The following LRMDA variants were observed in gnomAD, a reference collection of about 807,000 sequenced individuals.
The protein encoded by LRMDA is leucine rich melanocyte differentiation associated, also known as leucine-rich melanocyte differentiation-associated protein.
LRMDA carries 18 observed loss-of-function variants against 29.8 expected under a neutral mutation model. The observed-to-expected ratio is 0.60, with a 90% CI of 0.42 to 0.90. LRMDA has a LOEUF of 0.90. Among genes scored for constraint, LRMDA ranks in the 40% least tolerant of loss-of-function variants. The probability of loss-of-function intolerance (pLI) is 0.00; values close to 1 mark genes in which losing one functional copy is unlikely to be tolerated. For synonymous variants in LRMDA, 125 were observed against 109.4 expected (o/e 1.14, Z -0.89); for missense variants, 273 against 273.9 (o/e 1.00, Z 0.02).
chr10:75,907,697 C>T (rs1280810421), intron 2 of LRMDA, among the ~76,000 whole-genome samples: 2 of 152,134 alleles, frequency 1.3e-5, no homozygotes, highest in Admixed American at 1.3e-4. Flanking sequence ...GTTTAAAATA[C>T]GTAGGAAGGG....
At chr10:75,725,403 G>C (rs1381369397) in intron 2 of LRMDA, among the ~76,000 whole-genome samples, 1 of 152,216 alleles carries the variant, frequency 6.6e-6, no homozygotes, top group African/African-American at 2.4e-5. Flanking sequence ...TCTAGTCAAA[G>C]GGTCCTTTAA....
rs143538989 is a variant in LRMDA, at chr10:75,956,428, G to C, written c.132-79580G>C. 2.6e-5 allele frequency among the ~76,000 whole-genome samples: 4 copies of C among 152,212 alleles called. No homozygotes were observed. The East Asian group carries it at 7.7e-4, about 29-fold the overall frequency. On this transcript the variant is annotated intron_variant, in intron 2 of 6. Transcript: ENST00000611255. ...TGTCCTCATTCTGGGCATTCAAATG[G>C]GGCTGGTGTCAGCTACAAAACACAT...
chr10:75,650,663 A>T (rs778560386), intron 2 of LRMDA, among the ~76,000 whole-genome samples: 3 of 152,156 alleles, frequency 2.0e-5, no homozygotes, highest in Non-Finnish European at 4.4e-5. Flanking sequence ...GCGATTTTAA[A>T]GTCAACAGAG....
At chr10:75,702,621 C>A (rs961240163) in intron 2 of LRMDA, among the ~76,000 whole-genome samples, 14 of 152,138 alleles carry the variant, frequency 9.2e-5, no homozygotes, top group South Asian at 4.1e-4. Context: ...GGGAAAAAAA[C>A]CCCACAAATA....
At chr10:75,509,074 T>C (rs527579250) in intron 2 of LRMDA, among the ~76,000 whole-genome samples, 20 of 152,324 alleles carry the variant, frequency 1.3e-4, no homozygotes, top group African/African-American at 4.1e-4. Context: ...TTAGCAGACA[T>C]TTTTAAGCAT....
chr10:75,513,399 G>A (rs1418731709), intron 2 of LRMDA, among the ~76,000 whole-genome samples: 2 of 152,120 alleles, frequency 1.3e-5, no homozygotes, highest in Non-Finnish European at 2.9e-5. Context: ...AGAACATATC[G>A]CTTCTCAGTG....
chr10:76,155,094 T>A (rs950214918), intron 5 of LRMDA, among the ~76,000 whole-genome samples: 7 of 152,136 alleles, frequency 4.6e-5, no homozygotes, highest in African/African-American at 1.7e-4. Flanking sequence ...AGACAATAGA[T>A]TTTGGAGAAC....
intron 2 of LRMDA, among the ~76,000 whole-genome samples, chr10:75,749,759 A>T (rs12258953): frequency 6.6e-6 from 1 of 151,974 alleles, no homozygotes; most frequent in Non-Finnish European, 1.5e-5. Flanking sequence ...TGGTTTTCCT[A>T]GGCAGAGGAC....
At chr10:75,797,065 G>C (rs189441214) in intron 2 of LRMDA, among the ~76,000 whole-genome samples, 3 of 152,140 alleles carry the variant, frequency 2.0e-5, no homozygotes, top group Admixed American at 1.3e-4. Context: ...TTAAGTTTTT[G>C]ATAGAATTCA....
intron 5 of LRMDA, among the ~76,000 whole-genome samples, chr10:76,312,422 G>T (rs1840640594): frequency 6.6e-6 from 1 of 152,098 alleles, no homozygotes; most frequent in Non-Finnish European, 1.5e-5. Context: ...GCCTGACAGA[G>T]CTGGCTTCAA....
chr10:76,423,081 C>T (rs557312203), intron 6 of LRMDA, among the ~76,000 whole-genome samples: 3 of 152,240 alleles, frequency 2.0e-5, no homozygotes, highest in South Asian at 2.1e-4. Context: ...AAAAACTCCA[C>T]GAAGATGAGT....
rs374162520 is a variant in LRMDA at position 75,555,086 on chromosome 10, A to T, written c.131+116592A>T. Among the ~76,000 whole-genome samples, 18 of 152,202 alleles carry T rather than the reference A, an allele frequency of 1.2e-4. No homozygotes were observed. The East Asian group carries it at 3.5e-3, about 30-fold the overall frequency. ...ATCTGATGAGAAGGGACAGTCTCTG[A>T]TTCTGATGGGGAGGAGTTTGGTGGG... On this transcript the variant is annotated intron_variant, in intron 2 of 6. Coordinates refer to ENST00000611255, the MANE Select transcript of LRMDA (RefSeq NM_001305581.2).
chr10:76,507,726 T>C lies in LRMDA; in HGVS notation c.602-49483T>C, dbSNP rs148734802. ...TGTTCTGCATATGGGTGTCCAGTTTTTCCCACACCAATCATTGAAGAGACT... is the reference window on the plus strand; with the variant it reads ...TGTTCTGCATATGGGTGTCCAGTTTCTCCCACACCAATCATTGAAGAGACT... On this transcript the variant is annotated intron_variant, in intron 6 of 6. Coordinates refer to ENST00000611255, the MANE Select transcript of LRMDA (RefSeq NM_001305581.2). Among the ~76,000 whole-genome samples, 375 of 152,296 alleles carry C rather than the reference T, an allele frequency of 2.5e-3. 1 individual carries two copies. The highest frequency in any genetic ancestry group is 8.7e-3 in the African/African-American group (360 of 41,572).
intron 6 of LRMDA, among the ~76,000 whole-genome samples, chr10:76,459,218 A>G (rs1171505125): frequency 6.6e-6 from 1 of 152,154 alleles, no homozygotes; most frequent in Non-Finnish European, 1.5e-5. Context: ...GGATTTTCCA[A>G]AGGAACTGTA....
chr10:76,304,406 G>T (rs1288186101), intron 5 of LRMDA, among the ~76,000 whole-genome samples: 1 of 152,162 alleles, frequency 6.6e-6, no homozygotes, highest in Admixed American at 6.5e-5. Context: ...TGGCAGAAGC[G>T]CACCTTAAAC....
intron 2 of LRMDA, among the ~76,000 whole-genome samples, chr10:75,869,030 C>T (rs114912452): frequency 0.011 from 1,667 of 152,244 alleles, 39 homozygotes; most frequent in African/African-American, 0.038. Flanking sequence ...GTTGAGTGCC[C>T]CTGAAATCAC....
chr10:75,482,291 A>G (rs767765947), intron 2 of LRMDA, among the ~76,000 whole-genome samples: 2 of 152,132 alleles, frequency 1.3e-5, no homozygotes, highest in Non-Finnish European at 2.9e-5. Context: ...GGACCTCACC[A>G]TGAACTCACG....
Position 76,559,599 on chromosome 10 carries a change from G to A in LRMDA, c.*2311G>A, listed in dbSNP as rs1843600058. ...CTGTGCTAGAGCTAGACTTTGGTCTGAATTGGCAGAGGTAGAACCCATGTT... is the reference window on the plus strand; with the variant it reads ...CTGTGCTAGAGCTAGACTTTGGTCTAAATTGGCAGAGGTAGAACCCATGTT... On this transcript the variant is annotated 3_prime_UTR_variant, in exon 7 of 7. Transcript: ENST00000611255. 6.6e-6 allele frequency: 1 copy of A among 152,214 alleles called. No individual in the cohort carries two copies. 9.4% of individuals were successfully genotyped at this position (152,214 alleles called of 1,614,324 possible). A position where few individuals can be genotyped will look rare whatever the true frequency, so the allele number is the denominator to read the frequency against.
chr10:75,808,461 A>G (rs1305854778), intron 2 of LRMDA, among the ~76,000 whole-genome samples: 1 of 152,240 alleles, frequency 6.6e-6, no homozygotes, highest in African/African-American at 2.4e-5. Flanking sequence ...TCTTTTCTAT[A>G]CATAGCTAGA....
Sources: allele counts gnomAD v4.1 joint callset (sites outside exome capture counted in the v4.1 genomes callset), GRCh38; gene constraint gnomAD v4.1.1; transcripts MANE v1.5; gene names NCBI Gene and HGNC (gene_info 2026-07-23, HGNC 2026-07-21).